PXDN: variants seen among roughly 807,000 people sequenced by gnomAD.
PXDN encodes peroxidasin.
A neutral mutation model predicts 140.3 loss-of-function variants in PXDN; 77 were observed. The observed-to-expected ratio is 0.55, with a 90% CI of 0.46 to 0.66. PXDN has a LOEUF of 0.66. Ranked by LOEUF, PXDN falls within the 30% of genes least tolerant of loss-of-function variation. The probability of loss-of-function intolerance (pLI) is 0.00; values close to 1 mark genes in which losing one functional copy is unlikely to be tolerated. For synonymous variants in PXDN, 911 were observed against 857.4 expected (o/e 1.06, Z -1.09); for missense variants, 1,838 against 2,039.5 (o/e 0.90, Z 1.90).
chr2:1,639,541 T>C lies in PXDN; in HGVS notation c.3953-119A>G, dbSNP rs1198297628. The C allele has an allele frequency of 1.4e-6, 2 of 1,473,242 alleles. No homozygotes were observed. The highest frequency in any genetic ancestry group is 1.4e-5 in the African/African-American group (1 of 71,948). 91.3% of individuals were successfully genotyped at this position (1,473,242 alleles called of 1,614,324 possible). ...TGCCCGTGGAACAAACTGTGGCACA[T>C]TTCAGTGAGGCAACCTGGCAGCTGG... On this transcript the variant is annotated intron_variant, in intron 19 of 22. Coordinates refer to ENST00000252804, the MANE Select transcript of PXDN (RefSeq NM_012293.3). This position sits in a 1 kb window ranked among gnomAD's most constrained non-coding sequence, Gnocchi z 5.0.
chr2:1,715,739 A>G (rs1684879732), intron 1 of PXDN, among the ~76,000 whole-genome samples: 1 of 152,214 alleles, frequency 6.6e-6, no homozygotes, highest in Non-Finnish European at 1.5e-5. Flanking sequence ...CACAGAGACC[A>G]GAGCGGCAGG....
chr2:1,731,143 A>AGT (rs1553371220), intron 1 of PXDN, among the ~76,000 whole-genome samples: 4 of 114,394 alleles, frequency 3.5e-5, no homozygotes, highest in African/African-American at 1.2e-4. Flanking sequence ...CACTGTTGAG[A>AGT]GCGCGCGCGC....
chr2:1,668,602 A>C (rs1379436821), intron 9 of PXDN, among the ~76,000 whole-genome samples: 1 of 118,452 alleles, frequency 8.4e-6, no homozygotes, highest in Admixed American at 7.9e-5. Flanking sequence ...AAACAAATTT[A>C]CAAAAAAAAA....
intron 3 of PXDN, among the ~76,000 whole-genome samples, chr2:1,688,643 T>C (rs920653236): frequency 6.6e-6 from 1 of 152,144 alleles, no homozygotes; most frequent in African/African-American, 2.4e-5. Context: ...TGCCCAGACA[T>C]GGGGAGCCCT....
chr2:1,718,988 C>T (rs2125477273), intron 1 of PXDN, among the ~76,000 whole-genome samples: 1 of 152,378 alleles, frequency 6.6e-6, no homozygotes, highest in South Asian at 2.1e-4. Flanking sequence ...GTGAGGGGCA[C>T]ACCCAGGACA....
chr2:1,721,969 C>T (rs1356534855), intron 1 of PXDN, among the ~76,000 whole-genome samples: 1 of 140,748 alleles, frequency 7.1e-6, no homozygotes, highest in African/African-American at 3.2e-5. Flanking sequence ...TTCCCACATA[C>T]ACATCACTTG....
chr2:1,692,621 C>T, intron 2 of PXDN: 1 of 472,630 alleles, frequency 2.1e-6, no homozygotes, highest in Non-Finnish European at 4.4e-6. Context: ...CAACGCTGGA[C>T]TTGGCCCTGC....
At chr2:1,634,359 T>C (rs1380403650) in intron 22 of PXDN, 36 bp from the exon 23 acceptor site, 5 of 1,546,326 alleles carry the variant, frequency 3.2e-6, no homozygotes, top group Non-Finnish European at 3.5e-6. Context: ...CTGTCAGCTC[T>C]GGGATGGCCT....
chr2:1,677,605 G>T (rs561144380), intron 7 of PXDN, among the ~76,000 whole-genome samples: 1 of 152,032 alleles, frequency 6.6e-6, no homozygotes, highest in Non-Finnish European at 1.5e-5. Flanking sequence ...CATGGCTTCC[G>T]AGGGCCATCC....
intron 17 of PXDN, among the ~76,000 whole-genome samples, chr2:1,647,966 C>T (rs1682890289): frequency 6.6e-6 from 1 of 152,162 alleles, no homozygotes; most frequent in Non-Finnish European, 1.5e-5. Context: ...ACCGTCCATC[C>T]ACCCCTGGCT....
intron 1 of PXDN, among the ~76,000 whole-genome samples, chr2:1,711,107 ACTCCACCAGCACCCACT>A (rs1684761820): frequency 3.4e-5 from 1 of 29,476 alleles, no homozygotes; most frequent in Non-Finnish European, 6.1e-5. Context: ...ACTAGCACCC[ACTCCACCAGCACCCACT>A]CTCCACCAGC....
chr2:1,657,265 AG>A (rs1683165623), intron 14 of PXDN, among the ~76,000 whole-genome samples: 1 of 116,526 alleles, frequency 8.6e-6, no homozygotes. Flanking sequence ...GACTGGGAAC[AG>A]CCCCCTCCTG....
intron 1 of PXDN, among the ~76,000 whole-genome samples, chr2:1,703,437 GC>G (rs1389271431): frequency 2.3e-4 from 10 of 44,254 alleles, no homozygotes; most frequent in East Asian, 5.5e-4. Context: ...TCCAGGTGAA[GC>G]GGGGGACAAC....
At chr2:1,669,698 G>A (rs2125431045) in intron 9 of PXDN, 1 of 152,202 alleles carries the variant, frequency 6.6e-6, no homozygotes, top group African/African-American at 2.4e-5. Context: ...AAATTAGCCA[G>A]TATGGTGGTG....
chr2:1,723,107 T>C (rs1026842489), intron 1 of PXDN, among the ~76,000 whole-genome samples: 2 of 152,000 alleles, frequency 1.3e-5, no homozygotes, highest in Non-Finnish European at 2.9e-5. Flanking sequence ...TGGTTATGGA[T>C]GAATGGACAG....
Position 1,649,416 on chromosome 2 carries a change from G to C in PXDN, c.2364C>G (p.Asn788Lys). 3 of 1,613,980 alleles carry C rather than the reference G, an allele frequency of 1.9e-6. No individual in the cohort carries two copies. The highest frequency in any genetic ancestry group is 1.1e-5 in the South Asian group (1 of 91,086). ...PRGINPHRLY[N>K]GHALPMPRLV... ...GGCGCGGCATGGGAAGGGCGTGCCC[G>C]TTGTACAGTCGGTGGGGGTTGATGC... Residue 788 changes from asparagine (N) to lysine (K), a missense_variant, in exon 17 of 23, where the codon AAC (asparagine) becomes AAG (lysine). Asn to Lys is a moderately conservative substitution (Grantham distance 94). Around this residue, in one of 5 missense-constraint regions of PXDN, gnomAD observed 537 missense variants for 583.9 expected, o/e 0.92. Coordinates refer to ENST00000252804, the MANE Select transcript of PXDN (RefSeq NM_012293.3). This position sits in a 1 kb window ranked among gnomAD's most constrained non-coding sequence, Gnocchi z 7.1.
intron 6 of PXDN, among the ~76,000 whole-genome samples, chr2:1,682,643 TA>T (rs978870672): frequency 6.6e-6 from 1 of 152,158 alleles, no homozygotes; most frequent in African/African-American, 2.4e-5. Flanking sequence ...TTGGAAGCCT[TA>T]AAAAATGGGT....
Position 1,639,177 on chromosome 2 carries a change from C to T in PXDN, c.4073+125G>A. 6.7e-7 allele frequency: 1 copy of T among 1,498,080 alleles called. No individual in the cohort carries two copies. The highest frequency in any genetic ancestry group is 2.0e-5 in the Admixed American group (1 of 49,724). The allele number at this position is 1,498,080 out of a possible 1,614,324, so 92.8% of individuals were successfully genotyped here. A position where few individuals can be genotyped will look rare whatever the true frequency, so the allele number is the denominator to read the frequency against. ...GCAGGCTGCGGCCTGGCCCCCAGTG[C>T]CCTGGGACGTCCCTGCCAGGAACCA... On this transcript the variant is annotated intron_variant, in intron 20 of 22. Coordinates refer to ENST00000252804, the MANE Select transcript of PXDN (RefSeq NM_012293.3). This position sits in a 1 kb window ranked among gnomAD's most constrained non-coding sequence, Gnocchi z 5.0.
chr2:1,694,774 G>A lies in PXDN; in HGVS notation c.201-1640C>T, dbSNP rs1006721003. On this transcript the variant is annotated intron_variant, in intron 1 of 22. Coordinates refer to ENST00000252804, the MANE Select transcript of PXDN (RefSeq NM_012293.3). The stretch of plus-strand genomic sequence containing the variant: ...GGGAGGCGGTGCTGGAGGAAGACAC[G>A]GGAGGGGAAAGCAGCCATCCAGGAT... Among the ~76,000 whole-genome samples the A allele has an allele frequency of 7.9e-5, 12 of 152,196 alleles. 1 individual carries two copies. The highest frequency in any genetic ancestry group is 2.1e-4 in the South Asian group (1 of 4,830).
Sources: gnomAD v4.1 joint callset for allele counts (sites outside exome capture counted in the v4.1 genomes callset) on GRCh38, gnomAD v4.1.1 for gene constraint, gnomAD v4.1.1 regional missense constraint, Gnocchi (gnomAD v3.1) non-coding constraint, MANE v1.5 for transcripts, NCBI Gene and HGNC (gene_info 2026-07-23, HGNC 2026-07-21) for gene names.